VPS26A: variants seen among roughly 807,000 people sequenced by gnomAD.
The protein encoded by VPS26A is VPS26 retromer complex component A.
A neutral mutation model predicts 42.4 loss-of-function variants in VPS26A; 22 were observed. The ratio of observed to expected loss-of-function variants is 0.52; its 90% CI spans 0.37 to 0.74. The LOEUF is 0.74. VPS26A is among the 30% of genes least tolerant of loss of function. The probability of loss-of-function intolerance (pLI) is 0.00; values close to 1 mark genes in which losing one functional copy is unlikely to be tolerated. For missense variants in VPS26A, 276 were observed against 379.2 expected (o/e 0.73, Z 2.26); for synonymous variants, 110 against 123.5 (o/e 0.89, Z 0.73).
At chr10:69,128,744 C>A (rs1184846622) in intron 1 of VPS26A, among the ~76,000 whole-genome samples, 1 of 151,918 alleles carries the variant, frequency 6.6e-6, no homozygotes, top group Non-Finnish European at 1.5e-5. Context: ...CCTGTAATCC[C>A]AGCATTTTGG....
In VPS26A at chr10:69,141,333, G is replaced by A. The variant is rs148178790; in HGVS notation, c.153+8286G>A. Among the ~76,000 whole-genome samples, 128 of 152,292 alleles carry A rather than the reference G, an allele frequency of 8.4e-4. 1 individual carries two copies. Among genetic ancestry groups the A allele is most frequent in the African/African-American group, 2.8e-3 (118 of 41,560 alleles). On this transcript the variant is annotated intron_variant, in intron 2 of 8. Coordinates refer to ENST00000263559, the MANE Select transcript of VPS26A (RefSeq NM_004896.5). ...CATGTTCCTTGTGAGTTAGCTGAGG[G>A]CCTTATTCTGTGCCATGCTCAGTGA... is the stretch of plus-strand genomic sequence containing the variant.
intron 7 of VPS26A, 67 bp downstream of exon 7, chr10:69,166,177 T>C: frequency 6.9e-7 from 1 of 1,445,976 alleles, no homozygotes. Context: ...GTTTTGTTTG[T>C]ATTTATTTAG....
intron 1 of VPS26A, among the ~76,000 whole-genome samples, chr10:69,125,937 T>C (rs1273926523): frequency 2.0e-5 from 3 of 152,220 alleles, no homozygotes; most frequent in Non-Finnish European, 4.4e-5. Flanking sequence ...TCAGAAATTA[T>C]ATGAAAAATC....
intron 2 of VPS26A, among the ~76,000 whole-genome samples, chr10:69,152,973 A>G (rs1486085300): frequency 6.6e-6 from 1 of 151,072 alleles, no homozygotes; most frequent in Non-Finnish European, 1.5e-5. Flanking sequence ...CTGTCTCAAA[A>G]AAAAAAAAAG....
chr10:69,126,565 CAAAAAAAAA>C (rs60734904), intron 1 of VPS26A, among the ~76,000 whole-genome samples: 51 of 135,784 alleles, frequency 3.8e-4, no homozygotes, highest in African/African-American at 1.4e-3. Flanking sequence ...GACTCCGTCT[CAAAAAAAAA>C]AAAAAAAAAA....
chr10:69,129,287 G>A (rs1840724884), intron 1 of VPS26A, among the ~76,000 whole-genome samples: 1 of 152,074 alleles, frequency 6.6e-6, no homozygotes, highest in Non-Finnish European at 1.5e-5. Flanking sequence ...ATGATTTTAA[G>A]CTGCTATACA....
Position 69,133,637 on chromosome 10 carries a change from G to A in VPS26A, c.153+590G>A, listed in dbSNP as rs73274608. 1.3e-3 allele frequency: 1,625 copies of A among 1,275,746 alleles called. 14 individuals are homozygous for A. The African/African-American group carries it at 0.022, about 17-fold the overall frequency. The allele number at this position is 1,275,746 out of a possible 1,614,324, so 79.0% of individuals were successfully genotyped here. Reference sequence around the variant, plus strand: ...CACTTTTTTCCCCTTTTCTTTATCCGGTAATGTATACGGTTTTTTGTTTTG... The same window carrying A: ...CACTTTTTTCCCCTTTTCTTTATCCAGTAATGTATACGGTTTTTTGTTTTG... On this transcript the variant is annotated intron_variant, in intron 2 of 8. Transcript: ENST00000263559.
chr10:69,154,436 T>A (rs1006650342), intron 2 of VPS26A, among the ~76,000 whole-genome samples: 3 of 152,306 alleles, frequency 2.0e-5, no homozygotes, highest in South Asian at 4.1e-4. Flanking sequence ...CTTGGGAGGC[T>A]GAGGCAGGAG....
At chr10:69,127,143 G>A (rs1448917801) in intron 1 of VPS26A, among the ~76,000 whole-genome samples, 5 of 129,482 alleles carry the variant, frequency 3.9e-5, no homozygotes, top group African/African-American at 1.5e-4. Context: ...ACGGGGTTTC[G>A]CCATGTTGGC....
At chr10:69,141,624 T>A (rs958507740) in intron 2 of VPS26A, among the ~76,000 whole-genome samples, 1 of 152,238 alleles carries the variant, frequency 6.6e-6, no homozygotes, top group East Asian at 1.9e-4. Flanking sequence ...CCACAGATTC[T>A]TCTGATCAGA....
At chr10:69,162,299 C>A in intron 5 of VPS26A, 107 bp from the exon 6 acceptor site, 1 of 571,908 alleles carries the variant, frequency 1.7e-6, no homozygotes, top group Middle Eastern at 4.0e-4. Flanking sequence ...CTCAAAATGG[C>A]TTAAGTAATT....
At chr10:69,168,936 TAAAG>T (rs1369996260) in intron 8 of VPS26A, among the ~76,000 whole-genome samples, 1 of 152,012 alleles carries the variant, frequency 6.6e-6, no homozygotes, top group East Asian at 1.9e-4. Flanking sequence ...AATAAGGCAA[TAAAG>T]AACAAAGAAT....
At chr10:69,127,429 T>C (rs1390181417) in intron 1 of VPS26A, among the ~76,000 whole-genome samples, 1 of 151,626 alleles carries the variant, frequency 6.6e-6, no homozygotes, top group Non-Finnish European at 1.5e-5. Flanking sequence ...GGCGGGCACC[T>C]GTAGTCCCAG....
chr10:69,137,618 A>G (rs1004105433), intron 2 of VPS26A, among the ~76,000 whole-genome samples: 1 of 152,152 alleles, frequency 6.6e-6, no homozygotes, highest in East Asian at 1.9e-4. Flanking sequence ...GGTTTGATCA[A>G]TTCCAGTTAG....
At position 69,171,859 on chromosome 10, in the gene VPS26A, C is replaced by T. The variant is rs1841823648; in HGVS notation, c.*590C>T. 6.6e-6 allele frequency: 1 copy of T among 152,410 alleles called. No individual in the cohort carries two copies. The highest frequency in any genetic ancestry group is 2.1e-4 in the South Asian group (1 of 4,838). 9.4% of individuals were successfully genotyped at this position (152,410 alleles called of 1,614,324 possible). A position where few individuals can be genotyped will look rare whatever the true frequency, so the allele number is the denominator to read the frequency against. On this transcript the variant is annotated 3_prime_UTR_variant, in exon 9 of 9. Transcript: ENST00000263559. ...GGCACTTCTGAGTACCATTCCATGG[C>T]TTCCAGAATTTTATCCTCTTTGAGG...
intron 2 of VPS26A, among the ~76,000 whole-genome samples, chr10:69,144,410 A>C (rs1841110143): frequency 6.6e-6 from 1 of 152,172 alleles, no homozygotes; most frequent in African/African-American, 2.4e-5. Flanking sequence ...TCATTCACCT[A>C]GTCATGCCGC....
At chr10:69,161,676 T>C in intron 5 of VPS26A, 1 of 363,322 alleles carries the variant, frequency 2.8e-6, no homozygotes. Context: ...CCCAGTTTCT[T>C]CTTGTCATCA....
At position 69,158,102 on chromosome 10, in the gene VPS26A, G is replaced by T; in HGVS notation, c.442G>T (p.Asp148Tyr). 6.2e-7 allele frequency: 1 copy of T among 1,613,064 alleles called. No homozygotes were observed. The highest frequency in any genetic ancestry group is 1.1e-5 in the South Asian group (1 of 90,874). ...ACTGACAGATTTGGTAAAAGAGTAT[G>T]ATCTTATTGTTCACCAGCTTGCCAC... ...RRLTDLVKEYDLIVHQLATYP... is the reference protein window; with the variant it reads ...RRLTDLVKEYYLIVHQLATYP... The change falls in exon 5 of 9, where the codon GAT becomes TAT. Residue 148 changes from aspartate (D) to tyrosine (Y), a missense_variant. Coordinates refer to ENST00000263559, the MANE Select transcript of VPS26A (RefSeq NM_004896.5).
chr10:69,140,793 A>G (rs1841023392), intron 2 of VPS26A, among the ~76,000 whole-genome samples: 1 of 152,202 alleles, frequency 6.6e-6, no homozygotes, highest in South Asian at 2.1e-4. Context: ...TGGATTGTGC[A>G]AAACTCCTTC....
Sources: allele counts gnomAD v4.1 joint callset (sites outside exome capture counted in the v4.1 genomes callset), GRCh38; gene constraint gnomAD v4.1.1; transcripts MANE v1.5; gene names NCBI Gene and HGNC (gene_info 2026-07-23, HGNC 2026-07-21).